IL1RAPL2: variants seen among roughly 807,000 people sequenced by gnomAD.
The protein encoded by IL1RAPL2 is X-linked interleukin-1 receptor accessory protein-like 2.
A neutral mutation model predicts 44.1 loss-of-function variants in IL1RAPL2; 3 were observed. That is an observed-to-expected ratio of 0.07 (90% confidence interval 0.03 to 0.18). The LOEUF (loss-of-function observed/expected upper bound fraction) is 0.18, where lower values mean the gene tolerates loss of function less well. IL1RAPL2 is among the 10% of genes least tolerant of loss of function. IL1RAPL2 has a pLI of 1.00. For missense variants in IL1RAPL2, 391 were observed against 496.4 expected (o/e 0.79, Z 2.02); for synonymous variants, 181 against 178.8 (o/e 1.01, Z -0.10).
At chrX:105,463,971 C>T (rs571468902) in intron 5 of IL1RAPL2, among the ~76,000 whole-genome samples, 2 of 112,148 alleles carry the variant, frequency 1.8e-5, no homozygotes, top group African/African-American at 6.4e-5. Flanking sequence ...TTTACATACT[C>T]AAAATTTGAC....
intron 6 of IL1RAPL2, among the ~76,000 whole-genome samples, chrX:105,542,962 C>T (rs1329893817): frequency 1.8e-5 from 2 of 110,797 alleles, no homozygotes; most frequent in Non-Finnish European, 3.8e-5. Context: ...TGCATGCAAT[C>T]TGGCTCCATA....
At chrX:105,294,901 T>A (rs2034643234) in intron 5 of IL1RAPL2, among the ~76,000 whole-genome samples, 1 of 111,622 alleles carries the variant, frequency 9.0e-6, no homozygotes, top group Non-Finnish European at 1.9e-5. Flanking sequence ...GTTCTGTGTG[T>A]GGGTGTTGAC....
intron 2 of IL1RAPL2, among the ~76,000 whole-genome samples, chrX:104,832,580 A>G (rs961589290): frequency 2.7e-5 from 3 of 111,768 alleles, no homozygotes; most frequent in Admixed American, 1.9e-4. Flanking sequence ...ACAGATTTTC[A>G]TGAAGCAAAT....
Position 105,430,865 on chromosome X carries a change from G to A in IL1RAPL2, c.698-53448G>A, listed in dbSNP as rs373260443. 1.1e-4 allele frequency among the ~76,000 whole-genome samples: 12 copies of A among 111,334 alleles called. No homozygotes were observed. In the East Asian group the frequency reaches 1.1e-3, roughly 11 times the overall value. On this transcript the variant is annotated intron_variant, in intron 5 of 10. Coordinates refer to ENST00000372582, the MANE Select transcript of IL1RAPL2 (RefSeq NM_017416.2). ...GCAACTATAGCATATCTTTGAAGTA[G>A]CATTTTAGATCTATTTGGGTTAATA... is the stretch of plus-strand genomic sequence containing the variant.
At chrX:104,758,092 C>G (rs1474671221) in intron 2 of IL1RAPL2, among the ~76,000 whole-genome samples, 1 of 111,650 alleles carries the variant, frequency 9.0e-6, no homozygotes, top group Non-Finnish European at 1.9e-5. Context: ...AGGACTACAT[C>G]CAGCCAGAAT....
chrX:105,048,731 A>G, intron 2 of IL1RAPL2, among the ~76,000 whole-genome samples: 1 of 111,825 alleles, frequency 8.9e-6, no homozygotes, highest in Non-Finnish European at 1.9e-5. Context: ...AAACAAAACA[A>G]ACAGGATATG....
chrX:104,901,955 GT>G (rs1181119798), intron 2 of IL1RAPL2, among the ~76,000 whole-genome samples: 1 of 112,049 alleles, frequency 8.9e-6, no homozygotes, highest in Non-Finnish European at 1.9e-5. Flanking sequence ...TCCTCATTCT[GT>G]AATATAAATA....
At chrX:105,175,822 ATTAT>A (rs1286927226) in intron 2 of IL1RAPL2, among the ~76,000 whole-genome samples, 1 of 111,145 alleles carries the variant, frequency 9.0e-6, no homozygotes, top group Non-Finnish European at 1.9e-5. Flanking sequence ...TTATTAGTAA[ATTAT>A]TAATTAAAAC....
chrX:105,604,001 A>G (rs2037274180), intron 6 of IL1RAPL2, among the ~76,000 whole-genome samples: 1 of 111,233 alleles, frequency 9.0e-6, no homozygotes. Flanking sequence ...CCTATGGGAT[A>G]TAGTGAAAAC....
chrX:104,895,795 C>T (rs891105950), intron 2 of IL1RAPL2, among the ~76,000 whole-genome samples: 16 of 111,869 alleles, frequency 1.4e-4, no homozygotes, highest in Admixed American at 1.0e-3. Context: ...CACTGTCCTG[C>T]CCCCACTGTC....
intron 5 of IL1RAPL2, among the ~76,000 whole-genome samples, chrX:105,410,445 G>A (rs2035686955): frequency 9.1e-6 from 1 of 110,431 alleles, no homozygotes; most frequent in Non-Finnish European, 1.9e-5. Context: ...TGAGAGCTGA[G>A]AAATGGCTAT....
chrX:105,427,278 C>T (rs748627182), intron 5 of IL1RAPL2, among the ~76,000 whole-genome samples: 15 of 111,726 alleles, frequency 1.3e-4, no homozygotes, highest in Non-Finnish European at 2.4e-4. Flanking sequence ...GTCTCCCACT[C>T]TCCTCAAATT....
At chrX:105,356,050 C>T (rs750163240) in intron 5 of IL1RAPL2, among the ~76,000 whole-genome samples, 14 of 110,751 alleles carry the variant, frequency 1.3e-4, no homozygotes, top group African/African-American at 3.0e-4. Flanking sequence ...AGGTTAAATA[C>T]GATTTTACAA....
At chrX:105,039,370 T>G (rs1158336787) in intron 2 of IL1RAPL2, among the ~76,000 whole-genome samples, 1 of 112,087 alleles carries the variant, frequency 8.9e-6, no homozygotes, top group Non-Finnish European at 1.9e-5. Flanking sequence ...ATCGTTGTTA[T>G]GCAAGATCAG....
At chrX:105,074,992 G>A (rs2032270542) in intron 2 of IL1RAPL2, among the ~76,000 whole-genome samples, 1 of 111,342 alleles carries the variant, frequency 9.0e-6, no homozygotes, top group South Asian at 3.7e-4. Flanking sequence ...TGCAAACAGG[G>A]ACAATTTGAC....
rs186888887 is a variant in IL1RAPL2 at position 105,313,836 on chromosome X, C to T, written c.697+46295C>T. 1.1e-4 allele frequency among the ~76,000 whole-genome samples: 12 copies of T among 110,452 alleles called. No individual in the cohort carries two copies. In the East Asian group the frequency reaches 2.0e-3, roughly 18 times the overall value. ...AATAAATTTATGGCATGAGGGAGTG[C>T]GGGAATGGAGGGGTGGGGAAACACA... On this transcript the variant is annotated intron_variant, in intron 5 of 10. Transcript: ENST00000372582.
intron 7 of IL1RAPL2, among the ~76,000 whole-genome samples, chrX:105,738,376 G>A (rs756802832): frequency 9.0e-6 from 1 of 111,254 alleles, no homozygotes. Context: ...AGACCAAGCT[G>A]GAGCTTGTTG....
At chrX:104,949,870 T>C (rs1307961087) in intron 2 of IL1RAPL2, among the ~76,000 whole-genome samples, 2 of 111,350 alleles carry the variant, frequency 1.8e-5, no homozygotes, top group Non-Finnish European at 3.8e-5. Context: ...AGGTGTGGTG[T>C]GGTGCTGAAA....
At chrX:105,116,189 C>T (rs1305955992) in intron 2 of IL1RAPL2, among the ~76,000 whole-genome samples, 1 of 112,810 alleles carries the variant, frequency 8.9e-6, no homozygotes, top group Non-Finnish European at 1.9e-5. Flanking sequence ...GCTCCTCAAG[C>T]GCGGCCAGAG....
Sources: gnomAD v4.1 joint callset for allele counts (sites outside exome capture counted in the v4.1 genomes callset) on GRCh38, gnomAD v4.1.1 for gene constraint, MANE v1.5 for transcripts, NCBI Gene and HGNC (gene_info 2026-07-23, HGNC 2026-07-21) for gene names.